SNX1: variants seen among roughly 807,000 people sequenced by gnomAD.
SNX1 encodes sorting nexin 1.
Under a neutral mutation model 71.8 loss-of-function variants are expected in SNX1, and 36 were observed. The observed-to-expected ratio is 0.50, with a 90% CI of 0.38 to 0.66. The LOEUF is 0.66. Among genes scored for constraint, SNX1 ranks in the 30% least tolerant of loss-of-function variants. The probability of loss-of-function intolerance (pLI) is 0.00; values close to 1 mark genes in which losing one functional copy is unlikely to be tolerated. For missense variants in SNX1, 612 were observed against 646.7 expected (o/e 0.95, Z 0.58); for synonymous variants, 254 against 240.7 (o/e 1.06, Z -0.51).
intron 11 of SNX1, chr15:64,132,422 A>G (rs2081316338): frequency 6.2e-6 from 1 of 161,490 alleles, no homozygotes; most frequent in African/African-American, 2.4e-5. Context: ...GCTTGTCACC[A>G]GAGCCTTCCT....
At chr15:64,104,668 T>A (rs1287150833) in intron 1 of SNX1, among the ~76,000 whole-genome samples, 8 of 151,356 alleles carry the variant, frequency 5.3e-5, no homozygotes, top group Non-Finnish European at 1.2e-4. Context: ...GTAGATCACC[T>A]GAGGTTGGGA....
intron 1 of SNX1, among the ~76,000 whole-genome samples, chr15:64,100,732 C>T (rs73448913): frequency 3.5e-4 from 53 of 151,896 alleles, no homozygotes; most frequent in African/African-American, 1.3e-3. Flanking sequence ...CAGGAAAGGA[C>T]ATGGTCTTTT....
At chr15:64,118,681 G>C (rs1374231743) in intron 3 of SNX1, 107 bp from the exon 4 acceptor site, 1 of 813,658 alleles carries the variant, frequency 1.2e-6, no homozygotes, top group Non-Finnish European at 2.0e-6. Context: ...GCTGAACACT[G>C]AAGGATACAT....
chr15:64,135,219 G>T (rs145671004), intron 12 of SNX1, among the ~76,000 whole-genome samples: 6,881 of 151,842 alleles, frequency 0.045, 200 homozygotes, highest in South Asian at 0.085. Context: ...CTGGGTTCAC[G>T]CCATTCTCCT....
chr15:64,121,854 G>C (rs1471981930), intron 4 of SNX1, among the ~76,000 whole-genome samples: 2 of 151,568 alleles, frequency 1.3e-5, no homozygotes, highest in East Asian at 3.8e-4. Context: ...TGTTTGTGTG[G>C]GCTGTTTATT....
intron 7 of SNX1, among the ~76,000 whole-genome samples, 191 bp from the exon 8 acceptor site, chr15:64,127,540 C>G (rs952883871): frequency 2.0e-5 from 3 of 152,096 alleles, no homozygotes; most frequent in Non-Finnish European, 4.4e-5. Context: ...TTATTTTTCC[C>G]TCCCTTTTTG....
At chr15:64,121,575 A>G (rs2081197318) in intron 4 of SNX1, among the ~76,000 whole-genome samples, 1 of 152,256 alleles carries the variant, frequency 6.6e-6, no homozygotes, top group Admixed American at 6.5e-5. Flanking sequence ...TAACTCAGTT[A>G]CATCGGTAAA....
rs1032645586 is a variant in SNX1, at chr15:64,138,194, C to T, written c.*576C>T. The T allele has an allele frequency of 6.5e-7, 1 of 1,530,864 alleles. No individual in the cohort carries two copies. Among genetic ancestry groups the T allele is most frequent in the African/African-American group, 1.4e-5 (1 of 72,668 alleles). The allele number at this position is 1,530,864 out of a possible 1,614,324, so 94.8% of individuals were successfully genotyped here. A position where few individuals can be genotyped will look rare whatever the true frequency, so the allele number is the denominator to read the frequency against. On this transcript the variant is annotated 3_prime_UTR_variant, in exon 15 of 15. Transcript: ENST00000559844. Reference sequence around the variant, plus strand: ...TCTCCGCCTACCTCAGCTACCTGTTCTGAGGGTCTCAATCTGTTTCGTATT... The same window carrying T: ...TCTCCGCCTACCTCAGCTACCTGTTTTGAGGGTCTCAATCTGTTTCGTATT...
rs1471793210 is a variant in SNX1 at position 64,138,125 on chromosome 15, C to A, written c.*507C>A. On this transcript the variant is annotated 3_prime_UTR_variant, in exon 15 of 15. Coordinates refer to ENST00000559844, the MANE Select transcript of SNX1 (RefSeq NM_003099.5). The stretch of plus-strand genomic sequence containing the variant: ...ATAGTAAGTTTTTCTCTACCGTTCA[C>A]AAGTTTTGTGCTGCTGCTTCCCTCT... 6.5e-6 allele frequency: 10 copies of A among 1,535,788 alleles called. No homozygotes were observed. Among genetic ancestry groups the A allele is most frequent in the Middle Eastern group, 3.3e-4 (2 of 5,990 alleles).
chr15:64,106,686 G>A (rs537619178), intron 1 of SNX1, among the ~76,000 whole-genome samples: 2 of 152,200 alleles, frequency 1.3e-5, no homozygotes, highest in Non-Finnish European at 2.9e-5. Flanking sequence ...ATGTAAGACA[G>A]GCTATGAAAG....
At chr15:64,115,150 C>G (rs1299877101) in intron 2 of SNX1, among the ~76,000 whole-genome samples, 1 of 152,138 alleles carries the variant, frequency 6.6e-6, no homozygotes, top group African/African-American at 2.4e-5. Context: ...GTAATAGTTA[C>G]CCAGTGATTG....
intron 10 of SNX1, among the ~76,000 whole-genome samples, chr15:64,131,112 G>A (rs1358492896): frequency 6.6e-6 from 1 of 152,194 alleles, no homozygotes; most frequent in Non-Finnish European, 1.5e-5. Context: ...GTGAAACCCT[G>A]TCTCTGCTAA....
rs1312802498 is a variant in SNX1 at position 64,130,038 on chromosome 15, C to T, written c.921+9C>T. On this transcript the variant is annotated intron_variant, in intron 9 of 14. Coordinates refer to ENST00000559844, the MANE Select transcript of SNX1 (RefSeq NM_003099.5). Reference sequence around the variant, plus strand: ...TGAATGAATCAGACATTGTGAGTAGCCCTGTGCCTCTTACCTCCACCTACA... The same window carrying T: ...TGAATGAATCAGACATTGTGAGTAGTCCTGTGCCTCTTACCTCCACCTACA... 2 of 1,594,308 alleles carry T rather than the reference C, an allele frequency of 1.3e-6. No homozygotes were observed. The highest frequency in any genetic ancestry group is 1.7e-6 in the Non-Finnish European group (2 of 1,162,212).
intron 2 of SNX1, among the ~76,000 whole-genome samples, chr15:64,117,369 C>G (rs1294007775): frequency 1.3e-5 from 2 of 152,102 alleles, no homozygotes; most frequent in Non-Finnish European, 2.9e-5. Context: ...ATTCTCCTGC[C>G]TCAACCTCCC....
chr15:64,097,354 C>A (rs577652917), intron 1 of SNX1, among the ~76,000 whole-genome samples: 2 of 152,304 alleles, frequency 1.3e-5, no homozygotes, highest in Admixed American at 6.5e-5. Context: ...GCCTTAGGTT[C>A]CCTGCCCCCA....
At chr15:64,104,885 A>T (rs1178800869) in intron 1 of SNX1, among the ~76,000 whole-genome samples, 3 of 10,680 alleles carry the variant, frequency 2.8e-4, no homozygotes, top group Non-Finnish European at 1.1e-3. Context: ...ACTTGATCTT[A>T]AAAAAAAAAA....
chr15:64,101,902 A>G (rs2080965965), intron 1 of SNX1, among the ~76,000 whole-genome samples: 1 of 152,248 alleles, frequency 6.6e-6, no homozygotes. Context: ...TTGAATGTTT[A>G]CAGCACAAAG....
intron 1 of SNX1, among the ~76,000 whole-genome samples, chr15:64,098,554 A>G: frequency 6.6e-6 from 1 of 152,146 alleles, no homozygotes; most frequent in East Asian, 1.9e-4. Flanking sequence ...TTATCTGGGC[A>G]TGGTGGCACG....
intron 1 of SNX1, among the ~76,000 whole-genome samples, chr15:64,107,248 G>A (rs1224250140): frequency 6.6e-6 from 1 of 152,112 alleles, no homozygotes; most frequent in Non-Finnish European, 1.5e-5. Flanking sequence ...ATTTAATTTG[G>A]ATTTGACCTC....
Sources: gnomAD v4.1 joint callset for allele counts (sites outside exome capture counted in the v4.1 genomes callset) on GRCh38, gnomAD v4.1.1 for gene constraint, MANE v1.5 for transcripts, NCBI Gene and HGNC (gene_info 2026-07-23, HGNC 2026-07-21) for gene names.